TMEM135: variants seen among roughly 807,000 people sequenced by gnomAD.
The protein encoded by TMEM135 is peroxisomal membrane protein 52.
Under a neutral mutation model 60.3 loss-of-function variants are expected in TMEM135, and 30 were observed. That is an observed-to-expected ratio of 0.50 (90% CI 0.37 to 0.68). The LOEUF (loss-of-function observed/expected upper bound fraction) is 0.68, where lower values mean the gene tolerates loss of function less well. Among genes scored for constraint, TMEM135 ranks in the 30% least tolerant of loss-of-function variants. The pLI, the probability that TMEM135 is intolerant of heterozygous loss-of-function variation, is 0.00. For synonymous variants in TMEM135, 190 were observed against 186.7 expected (o/e 1.02, Z -0.14); for missense variants, 468 against 548.8 (o/e 0.85, Z 1.47).
At chr11:87,192,043 G>A (rs552253) in intron 5 of TMEM135, among the ~76,000 whole-genome samples, 28,241 of 138,948 alleles carry the variant, frequency 0.2, 3,392 homozygotes, top group East Asian at 0.54. Flanking sequence ...GTGCAGTGGC[G>A]CGATCTGGGC....
intron 5 of TMEM135, among the ~76,000 whole-genome samples, chr11:87,227,936 T>G (rs1360393749): frequency 6.6e-6 from 1 of 152,208 alleles, no homozygotes; most frequent in Non-Finnish European, 1.5e-5. Context: ...AAACTCTTAT[T>G]ATCAATAACG....
intron 1 of TMEM135, among the ~76,000 whole-genome samples, chr11:87,060,127 A>G (rs927076195): frequency 6.6e-6 from 1 of 152,186 alleles, no homozygotes; most frequent in South Asian, 2.1e-4. Flanking sequence ...AAAAGAAAGA[A>G]AAAAAGTAAA....
At chr11:87,204,910 T>G (rs1043950650) in intron 5 of TMEM135, among the ~76,000 whole-genome samples, 1 of 152,202 alleles carries the variant, frequency 6.6e-6, no homozygotes, top group African/African-American at 2.4e-5. Flanking sequence ...TAATTATTTC[T>G]TCTATCAAAA....
chr11:87,168,603 AG>A (rs758220987), intron 5 of TMEM135, among the ~76,000 whole-genome samples: 2 of 152,120 alleles, frequency 1.3e-5, no homozygotes, highest in Middle Eastern at 3.2e-3. Flanking sequence ...GTTTCCACTT[AG>A]TTGTGCGGTT....
chr11:87,244,828 G>A (rs1253639263), intron 6 of TMEM135, among the ~76,000 whole-genome samples: 2 of 149,424 alleles, frequency 1.3e-5, no homozygotes, highest in African/African-American at 2.5e-5. Flanking sequence ...TTTTTTGAAG[G>A]GTTTTTTGTG....
intron 1 of TMEM135, among the ~76,000 whole-genome samples, chr11:87,042,491 G>T (rs1370348257): frequency 6.6e-6 from 1 of 152,160 alleles, no homozygotes; most frequent in Non-Finnish European, 1.5e-5. Context: ...ACCTGCCTTG[G>T]GGAAAATTCT....
At chr11:87,272,512 G>A (rs1430423036) in intron 6 of TMEM135, among the ~76,000 whole-genome samples, 1 of 152,100 alleles carries the variant, frequency 6.6e-6, no homozygotes, top group Non-Finnish European at 1.5e-5. Flanking sequence ...CCAGGCTGAA[G>A]TATAGTGGTG....
intron 4 of TMEM135, among the ~76,000 whole-genome samples, chr11:87,109,964 T>C (rs1481385003): frequency 1.3e-5 from 2 of 152,222 alleles, no homozygotes; most frequent in South Asian, 4.1e-4. Flanking sequence ...GTTATCTTCC[T>C]CTTAATGGAA....
intron 5 of TMEM135, among the ~76,000 whole-genome samples, chr11:87,214,124 G>A (rs868208747): frequency 6.6e-6 from 1 of 152,164 alleles, no homozygotes; most frequent in Non-Finnish European, 1.5e-5. Context: ...GCTGACTTTA[G>A]TGTTTTTCTG....
intron 3 of TMEM135, among the ~76,000 whole-genome samples, chr11:87,085,234 C>T (rs12282651): frequency 0.14 from 21,280 of 152,098 alleles, 1,584 homozygotes; most frequent in Non-Finnish European, 0.16. Flanking sequence ...ACATATCATA[C>T]CCTTCAGAGA....
chr11:87,077,989 A>G (rs1459099653), intron 3 of TMEM135, among the ~76,000 whole-genome samples: 2 of 152,100 alleles, frequency 1.3e-5, no homozygotes, highest in African/African-American at 4.8e-5. Flanking sequence ...TCATAAGTTG[A>G]TGGAAATTTG....
At position 87,324,128 on chromosome 11, in the gene TMEM135, T is replaced by A. The variant is rs1352041587; in HGVS notation, c.*2795T>A. The A allele has an allele frequency of 6.6e-6, 3 of 453,992 alleles. No homozygotes were observed. Among genetic ancestry groups the A allele is most frequent in the Non-Finnish European group, 1.3e-5 (3 of 226,788 alleles). 28.1% of individuals were successfully genotyped at this position (453,992 alleles called of 1,614,324 possible). A position where few individuals can be genotyped will look rare whatever the true frequency, so the allele number is the denominator to read the frequency against. On this transcript the variant is annotated 3_prime_UTR_variant, in exon 15 of 15. Coordinates refer to ENST00000305494, the MANE Select transcript of TMEM135 (RefSeq NM_022918.4). ...GCTCGAGTGTTCGTCTCCTTGTAGA[T>A]TGTATCTAGGCTAACATTTCATTTA... is the stretch of plus-strand genomic sequence containing the variant.
chr11:87,185,230 G>A lies in TMEM135; in HGVS notation c.462+27824G>A, dbSNP rs117839384. ...TTTTCCTTATTATCGTATTTAGTCA[G>A]TGTTCACATTTTCCCAGTCACCTCT... On this transcript the variant is annotated intron_variant, in intron 5 of 14. Transcript: ENST00000305494. Among the ~76,000 whole-genome samples, 980 of 152,182 alleles carry A rather than the reference G, an allele frequency of 6.4e-3. 3 individuals carry two copies. The highest frequency in any genetic ancestry group is 0.02 in the Middle Eastern group (6 of 294).
At chr11:87,085,497 C>T (rs1477817604) in intron 3 of TMEM135, among the ~76,000 whole-genome samples, 2 of 152,126 alleles carry the variant, frequency 1.3e-5, no homozygotes, top group African/African-American at 2.4e-5. Flanking sequence ...TGGCTCATGC[C>T]TGTTATTCCA....
At chr11:87,204,544 A>G (rs1408560879) in intron 5 of TMEM135, among the ~76,000 whole-genome samples, 1 of 152,196 alleles carries the variant, frequency 6.6e-6, no homozygotes, top group East Asian at 1.9e-4. Context: ...CTGTAGCATA[A>G]ACAGTCAATT....
At chr11:87,231,417 T>C (rs888999756) in intron 5 of TMEM135, among the ~76,000 whole-genome samples, 2 of 152,220 alleles carry the variant, frequency 1.3e-5, no homozygotes, top group African/African-American at 2.4e-5. Flanking sequence ...GTACACATAA[T>C]GTTTTACCTT....
intron 4 of TMEM135, among the ~76,000 whole-genome samples, chr11:87,118,079 G>A (rs553846218): frequency 3.5e-4 from 41 of 117,382 alleles, no homozygotes; most frequent in African/African-American, 1.2e-3. Flanking sequence ...ATTTTGAAAG[G>A]AATTTTTTTT....
chr11:87,082,704 A>G (rs1032974172), intron 3 of TMEM135, among the ~76,000 whole-genome samples: 17 of 152,226 alleles, frequency 1.1e-4, no homozygotes, highest in Non-Finnish European at 1.0e-4. Context: ...AGAAGCAGCA[A>G]CATTTAAGGA....
intron 5 of TMEM135, among the ~76,000 whole-genome samples, chr11:87,186,746 A>G (rs1021853847): frequency 4.6e-5 from 7 of 152,204 alleles, no homozygotes; most frequent in African/African-American, 1.4e-4. Flanking sequence ...TTATAAAATT[A>G]TGATTTTGTT....
Sources: gnomAD v4.1 joint callset for allele counts (sites outside exome capture counted in the v4.1 genomes callset) on GRCh38, gnomAD v4.1.1 for gene constraint, MANE v1.5 for transcripts, NCBI Gene and HGNC (gene_info 2026-07-23, HGNC 2026-07-21) for gene names.